The following SLC9D1 variants were observed in gnomAD, a reference collection of about 807,000 sequenced individuals.
The protein encoded by SLC9D1 is putative LAG1-interacting protein.
chr13:113,499,651 CAG>C, the SLC9D1 span, among the ~76,000 whole-genome samples: 1 of 151,984 alleles, frequency 6.6e-6, no homozygotes, highest in East Asian at 1.9e-4. Context: ...GAAAAGAAAG[CAG>C]AGAGAATAAA....
the SLC9D1 span, among the ~76,000 whole-genome samples, chr13:113,517,012 A>G: frequency 6.6e-6 from 1 of 152,212 alleles, no homozygotes; most frequent in South Asian, 2.1e-4. Flanking sequence ...TGTGAAACTC[A>G]GGTCTGCAAG....
chr13:113,531,928 G>A, the SLC9D1 span, among the ~76,000 whole-genome samples: 1 of 152,212 alleles, frequency 6.6e-6, no homozygotes, highest in East Asian at 1.9e-4. Flanking sequence ...GAGAGCTTGT[G>A]TAGCCGTTAG....
At chr13:113,549,422 C>T in the SLC9D1 span, 92 of 1,613,664 alleles carry the variant, frequency 5.7e-5, no homozygotes, top group African/African-American at 9.6e-4. Flanking sequence ...TTTGCTGTTG[C>T]AGGTGTACCT....
the SLC9D1 span, chr13:113,534,503 C>T: frequency 2.2e-5 from 11 of 491,774 alleles, no homozygotes; most frequent in South Asian, 3.3e-5. Flanking sequence ...AAAACAAATC[C>T]GTGGGCCGGG....
chr13:113,527,894 CG>C, the SLC9D1 span: 1 of 152,206 alleles, frequency 6.6e-6, no homozygotes, highest in Non-Finnish European at 1.5e-5. Context: ...TGTCTGTCCT[CG>C]GGGTCACCGG....
the SLC9D1 span, among the ~76,000 whole-genome samples, chr13:113,496,492 A>G: frequency 2.6e-5 from 4 of 152,234 alleles, no homozygotes; most frequent in Admixed American, 6.5e-5. Flanking sequence ...TAATATATAC[A>G]TTTGAATTAA....
the SLC9D1 span, among the ~76,000 whole-genome samples, chr13:113,516,221 G>A: frequency 6.6e-6 from 1 of 152,106 alleles, no homozygotes; most frequent in Non-Finnish European, 1.5e-5. Flanking sequence ...TCCTTGAGAT[G>A]CACTGTATTT....
At chr13:113,539,471 C>G in the SLC9D1 span, 2 of 1,613,366 alleles carry the variant, frequency 1.2e-6, no homozygotes, top group Non-Finnish European at 1.7e-6. The surrounding 1 kb of genome is among the most constrained non-coding windows in gnomAD (Gnocchi z 4.8). Flanking sequence ...CGAACCCATC[C>G]GCGACTTCCT....
At chr13:113,495,297 C>T in the SLC9D1 span, among the ~76,000 whole-genome samples, 1 of 152,188 alleles carries the variant, frequency 6.6e-6, no homozygotes, top group African/African-American at 2.4e-5. Context: ...CATCTCAGCC[C>T]TTCACAAAGC....
At chr13:113,495,771 A>G in the SLC9D1 span, 1 of 1,614,160 alleles carries the variant, frequency 6.2e-7, no homozygotes, top group Non-Finnish European at 8.5e-7. Flanking sequence ...TCTCCGCCAG[A>G]AGAATGCAGT....
At chr13:113,548,754 T>C in the SLC9D1 span, among the ~76,000 whole-genome samples, 2 of 152,214 alleles carry the variant, frequency 1.3e-5, no homozygotes, top group African/African-American at 4.8e-5. Flanking sequence ...AGTGTGCACA[T>C]AAGTAGCACC....
chr13:113,549,811 G>T, the SLC9D1 span: 10 of 556,262 alleles, frequency 1.8e-5, no homozygotes, highest in South Asian at 7.0e-5. Flanking sequence ...GCCTGGATGT[G>T]CCTTTTTTTT....
chr13:113,524,406 G>A, the SLC9D1 span, among the ~76,000 whole-genome samples: 13 of 152,160 alleles, frequency 8.5e-5, 1 homozygote, highest in Admixed American at 6.5e-4. Context: ...ATGCAGTGGC[G>A]TGATCTCGGC....
the SLC9D1 span, among the ~76,000 whole-genome samples, chr13:113,514,106 T>C: frequency 6.6e-6 from 1 of 152,234 alleles, no homozygotes; most frequent in African/African-American, 2.4e-5. Context: ...TAGGGTAGAA[T>C]TCCTTAAAAT....
At chr13:113,534,393 C>A in the SLC9D1 span, 1 of 670,324 alleles carries the variant, frequency 1.5e-6, no homozygotes, top group Non-Finnish European at 2.5e-6. Context: ...CTTTCTTATA[C>A]TACCCATCAA....
At chr13:113,526,292 A>G in the SLC9D1 span, among the ~76,000 whole-genome samples, 7 of 152,352 alleles carry the variant, frequency 4.6e-5, no homozygotes, top group African/African-American at 9.6e-5. Flanking sequence ...TATTTTTTGT[A>G]CAGCCATACA....
the SLC9D1 span, chr13:113,520,720 A>G: frequency 6.2e-7 from 1 of 1,611,262 alleles, no homozygotes; most frequent in Non-Finnish European, 8.5e-7. Context: ...GGCGGGCGCC[A>G]GTGCATCTTC....
the SLC9D1 span, among the ~76,000 whole-genome samples, chr13:113,501,338 T>A: frequency 0.19 from 28,188 of 152,144 alleles, 3,454 homozygotes; most frequent in African/African-American, 0.35. Flanking sequence ...AAATATGACA[T>A]CAATTTCCAT....
chr13:113,501,227 C>T, the SLC9D1 span, among the ~76,000 whole-genome samples: 11 of 152,170 alleles, frequency 7.2e-5, no homozygotes, highest in Admixed American at 3.9e-4. Flanking sequence ...TATAGTCAGC[C>T]CTCTGTGTCC....
Sources: gnomAD v4.1 joint callset for allele counts (sites outside exome capture counted in the v4.1 genomes callset) on GRCh38, gnomAD v4.1.1 for gene constraint, Gnocchi (gnomAD v3.1) non-coding constraint, MANE v1.5 for transcripts, NCBI Gene and HGNC (gene_info 2026-07-23, HGNC 2026-07-21) for gene names.